The following CCSER1 variants were observed in gnomAD, a reference collection of about 807,000 sequenced individuals.
CCSER1 encodes coiled-coil serine rich protein 1.
A neutral mutation model predicts 82.0 loss-of-function variants in CCSER1; 41 were observed. That is an observed-to-expected ratio of 0.50 (90% CI 0.39 to 0.65). The LOEUF (loss-of-function observed/expected upper bound fraction) is 0.65. CCSER1 is among the 30% of genes least tolerant of loss of function. The pLI is 0.00. For synonymous variants in CCSER1, 414 were observed against 383.9 expected (o/e 1.08, Z -0.92); for missense variants, 1,119 against 1,064.2 (o/e 1.05, Z -0.72).
intron 10 of CCSER1, among the ~76,000 whole-genome samples, chr4:91,487,262 A>G (rs1214344157): frequency 1.3e-5 from 2 of 152,098 alleles, no homozygotes; most frequent in Non-Finnish European, 2.9e-5. Flanking sequence ...TTACGTTTAG[A>G]ATACCTTCAA....
intron 5 of CCSER1, among the ~76,000 whole-genome samples, chr4:90,532,586 T>G (rs191307881): frequency 1.3e-5 from 2 of 152,152 alleles, no homozygotes. Context: ...TGGTGCCTGG[T>G]GCACGTTTGC....
At chr4:91,574,118 A>G (rs2110292969) in intron 10 of CCSER1, among the ~76,000 whole-genome samples, 1 of 152,214 alleles carries the variant, frequency 6.6e-6, no homozygotes, top group African/African-American at 2.4e-5. Context: ...TCAAAATTTC[A>G]AGAGAAATTT....
intron 9 of CCSER1, among the ~76,000 whole-genome samples, chr4:90,981,904 A>G (rs1220763984): frequency 1.3e-5 from 2 of 151,800 alleles, no homozygotes; most frequent in Non-Finnish European, 2.9e-5. Context: ...CCCAAAACTG[A>G]TGCATGAGAG....
intron 10 of CCSER1, among the ~76,000 whole-genome samples, chr4:91,187,337 C>T (rs1421485168): frequency 2.0e-5 from 3 of 152,144 alleles, no homozygotes; most frequent in African/African-American, 4.8e-5. Context: ...TTTCTTTTTA[C>T]CTGGGTAGTA....
Position 91,601,202 on chromosome 4 carries a change from AAAT to A in CCSER1, c.*2149_*2151del, listed in dbSNP as rs1382346157. The A allele has an allele frequency of 6.6e-6, 1 of 152,102 alleles. No homozygotes were observed. The highest frequency in any genetic ancestry group is 2.1e-4 in the South Asian group (1 of 4,828). The allele number at this position is 152,102 out of a possible 1,614,324, so 9.4% of individuals were successfully genotyped here. On this transcript the variant is annotated 3_prime_UTR_variant, in exon 11 of 11. Transcript: ENST00000509176. ...TAGACTTTTGAATTATACTTTATAA[AAAT>A]AATCTATTTATAGAAGATCTGTCAT...
intron 1 of CCSER1, among the ~76,000 whole-genome samples, chr4:90,189,789 A>G (rs1370690165): frequency 1.3e-5 from 2 of 151,906 alleles, no homozygotes; most frequent in Non-Finnish European, 2.9e-5. Context: ...TTTATCCCTG[A>G]TATTTTCTTA....
chr4:90,386,160 C>A (rs1750014175), intron 3 of CCSER1, among the ~76,000 whole-genome samples: 1 of 152,020 alleles, frequency 6.6e-6, no homozygotes, highest in Non-Finnish European at 1.5e-5. Context: ...AAAAACAATC[C>A]TAAAATTCAT....
chr4:91,002,822 C>G (rs1464586203), intron 9 of CCSER1, among the ~76,000 whole-genome samples: 1 of 152,068 alleles, frequency 6.6e-6, no homozygotes, highest in Non-Finnish European at 1.5e-5. Flanking sequence ...GTTAAAGAAC[C>G]ATGTTTTGTC....
At chr4:91,487,150 A>G (rs1758265959) in intron 10 of CCSER1, among the ~76,000 whole-genome samples, 1 of 152,132 alleles carries the variant, frequency 6.6e-6, no homozygotes, top group African/African-American at 2.4e-5. Flanking sequence ...TGGAATAGTC[A>G]TAGAAAAAGT....
intron 10 of CCSER1, among the ~76,000 whole-genome samples, chr4:91,572,374 G>A (rs1763226808): frequency 6.6e-6 from 1 of 151,988 alleles, no homozygotes; most frequent in African/African-American, 2.4e-5. Context: ...TACCCTGGTT[G>A]GTAGGTCCAG....
At chr4:90,180,101 G>A (rs1157941629) in intron 1 of CCSER1, among the ~76,000 whole-genome samples, 4 of 142,446 alleles carry the variant, frequency 2.8e-5, no homozygotes, top group African/African-American at 8.0e-5. Flanking sequence ...GGAGTTTGAT[G>A]TATGTATTGC....
Position 90,933,008 on chromosome 4 carries a change from GAAAGAA to G in CCSER1, c.2172+9563_2172+9568del, listed in dbSNP as rs1561385545. On this transcript the variant is annotated intron_variant, in intron 9 of 10. Coordinates refer to ENST00000509176, the MANE Select transcript of CCSER1 (RefSeq NM_001145065.2). ...AGAAAGAAAGAAAGAAAGAAAGAAAGAAAGAAAGAAAGAAAGAAAGAAAGAAAGAAA... is the reference window on the plus strand; with the variant it reads ...AGAAAGAAAGAAAGAAAGAAAGAAAGAGAAAGAAAGAAAGAAAGAAAGAAA... Among the ~76,000 whole-genome samples the G allele has an allele frequency of 1.1e-4, 8 of 73,416 alleles. 2 individuals carry two copies. The highest frequency in any genetic ancestry group is 7.3e-4 in the African/African-American group (7 of 9,568). 48.2% of individuals were successfully genotyped at this position (73,416 alleles called of 152,430 possible).
intron 9 of CCSER1, among the ~76,000 whole-genome samples, chr4:90,998,046 T>C (rs1247172102): frequency 4.6e-5 from 7 of 152,130 alleles, no homozygotes; most frequent in Non-Finnish European, 1.0e-4. Context: ...TAATTTTCCA[T>C]TGAAAACTCG....
chr4:90,513,293 A>C (rs1771813261), intron 5 of CCSER1, among the ~76,000 whole-genome samples: 1 of 152,194 alleles, frequency 6.6e-6, no homozygotes, highest in Non-Finnish European at 1.5e-5. Flanking sequence ...GTACCATGGA[A>C]TTTATGCTGT....
intron 9 of CCSER1, among the ~76,000 whole-genome samples, chr4:90,926,460 T>A (rs1729074652): frequency 6.6e-6 from 1 of 152,020 alleles, no homozygotes; most frequent in African/African-American, 2.4e-5. Flanking sequence ...AAATAGCTGT[T>A]GCTACACATT....
Position 90,309,442 on chromosome 4 carries a change from G to A in CCSER1, c.1158G>A (p.Leu386=), listed in dbSNP as rs1173298776. The change falls in exon 2 of 11, where the codon CTG becomes CTA. Residue 386 remains leucine, a synonymous_variant. Transcript: ENST00000509176. The part of the protein sequence containing the change: ...NIGLQNGETM[L]GTNSPRKLGF... ...GGTTACAAAATGGTGAAACAATGCTGGGGACAAACTCCCCAAGGAAACTTG... is the reference window on the plus strand; with the variant it reads ...GGTTACAAAATGGTGAAACAATGCTAGGGACAAACTCCCCAAGGAAACTTG... 2 of 1,613,654 alleles carry A rather than the reference G, an allele frequency of 1.2e-6. No individual in the cohort carries two copies. Among genetic ancestry groups the A allele is most frequent in the African/African-American group, 2.7e-5 (2 of 74,914 alleles).
chr4:91,195,964 C>T (rs912048684), intron 10 of CCSER1, among the ~76,000 whole-genome samples: 9 of 151,826 alleles, frequency 5.9e-5, no homozygotes, highest in East Asian at 1.9e-4. Context: ...GTGATCCGCC[C>T]ACCTCGGCCT....
chr4:90,478,547 A>G (rs1396630693), intron 5 of CCSER1, among the ~76,000 whole-genome samples: 2 of 152,166 alleles, frequency 1.3e-5, no homozygotes, highest in Non-Finnish European at 2.9e-5. Context: ...ACTTAAATGT[A>G]TTTAATATTA....
intron 10 of CCSER1, among the ~76,000 whole-genome samples, chr4:91,145,995 CCT>C (rs1729496557): frequency 6.6e-6 from 1 of 152,106 alleles, no homozygotes; most frequent in Non-Finnish European, 1.5e-5. Context: ...TGCATGCTAT[CCT>C]CTCTAGAAAA....
Sources: allele counts gnomAD v4.1 joint callset (sites outside exome capture counted in the v4.1 genomes callset), GRCh38; gene constraint gnomAD v4.1.1; transcripts MANE v1.5; gene names NCBI Gene and HGNC (gene_info 2026-07-23, HGNC 2026-07-21).